DLGAP1: variants seen among roughly 807,000 people sequenced by gnomAD.
DLGAP1 encodes disks large-associated protein 1.
DLGAP1 carries 11 observed loss-of-function variants against 90.8 expected under a neutral mutation model. The observed-to-expected ratio is 0.12, with a 90% confidence interval of 0.08 to 0.20. DLGAP1 has a LOEUF of 0.20. DLGAP1 is among the 10% of genes least tolerant of loss of function. The probability of loss-of-function intolerance (pLI) is 1.00; values close to 1 mark genes in which losing one functional copy is unlikely to be tolerated. For missense variants in DLGAP1, 1,050 were observed against 1,333.8 expected (o/e 0.79, Z 3.31); for synonymous variants, 558 against 540.7 (o/e 1.03, Z -0.44).
intron 1 of DLGAP1, among the ~76,000 whole-genome samples, chr18:4,354,420 G>A (rs534846829): frequency 1.3e-5 from 2 of 152,148 alleles, no homozygotes; most frequent in South Asian, 2.1e-4. Context: ...ATCTGGACAC[G>A]CCCTAGTTTT....
intron 10 of DLGAP1, among the ~76,000 whole-genome samples, chr18:3,515,249 T>TTG (rs1218613453): frequency 6.6e-6 from 1 of 151,182 alleles, no homozygotes; most frequent in East Asian, 2.0e-4. Context: ...GGTGGGTGGA[T>TTG]CACGAGGTCA....
At chr18:4,141,834 T>C (rs911173849) in intron 2 of DLGAP1, among the ~76,000 whole-genome samples, 1 of 152,078 alleles carries the variant, frequency 6.6e-6, no homozygotes, top group African/African-American at 2.4e-5. Context: ...GATTTCAGTC[T>C]CTTTGTTAAA....
intron 4 of DLGAP1, among the ~76,000 whole-genome samples, chr18:3,876,172 G>A (rs1404716173): frequency 6.6e-6 from 1 of 151,818 alleles, no homozygotes; most frequent in Admixed American, 6.6e-5. Context: ...GAGCTTGCAC[G>A]GGGTGGCAGA....
At chr18:3,888,025 G>A (rs1322335719) in intron 3 of DLGAP1, among the ~76,000 whole-genome samples, 3 of 148,372 alleles carry the variant, frequency 2.0e-5, no homozygotes, top group East Asian at 2.1e-4. Flanking sequence ...GGAGAATGGC[G>A]TGAACCCGGG....
chr18:3,573,878 T>G (rs1369348882), intron 8 of DLGAP1, among the ~76,000 whole-genome samples: 4 of 152,110 alleles, frequency 2.6e-5, no homozygotes. Context: ...TTTTTTCTAC[T>G]TTTTGTAGAG....
At chr18:3,615,237 A>T (rs560054613) in intron 7 of DLGAP1, among the ~76,000 whole-genome samples, 2 of 152,282 alleles carry the variant, frequency 1.3e-5, no homozygotes, top group South Asian at 4.1e-4. Flanking sequence ...AATAATTTTT[A>T]AAAAGATGCA....
chr18:4,055,147 A>G (rs905464419), intron 2 of DLGAP1, among the ~76,000 whole-genome samples: 8 of 152,200 alleles, frequency 5.3e-5, no homozygotes, highest in African/African-American at 1.9e-4. Context: ...AGGTTGGCAC[A>G]GGGATCTGGT....
intron 1 of DLGAP1, among the ~76,000 whole-genome samples, chr18:4,429,562 A>G (rs1212985974): frequency 2.0e-5 from 3 of 152,234 alleles, no homozygotes; most frequent in African/African-American, 7.2e-5. Flanking sequence ...GTAAAAATTA[A>G]GAAGCCTGGT....
At chr18:3,601,041 A>T (rs1229195228) in intron 7 of DLGAP1, among the ~76,000 whole-genome samples, 14 of 145,084 alleles carry the variant, frequency 9.6e-5, no homozygotes, top group African/African-American at 3.3e-4. Context: ...TATAGAGATA[A>T]AGATATAGAT....
chr18:4,321,602 A>T (rs2080688195), intron 1 of DLGAP1, among the ~76,000 whole-genome samples: 2 of 152,240 alleles, frequency 1.3e-5, no homozygotes, highest in Non-Finnish European at 2.9e-5. Context: ...CCATGCAGAT[A>T]CTGAAAACAG....
chr18:3,561,972 T>C (rs1442638330), intron 9 of DLGAP1, among the ~76,000 whole-genome samples: 2 of 150,754 alleles, frequency 1.3e-5, no homozygotes, highest in Non-Finnish European at 2.9e-5. Context: ...CTCACGTCTG[T>C]AATCCCAGCA....
At chr18:3,680,645 T>C (rs1007465598) in intron 7 of DLGAP1, among the ~76,000 whole-genome samples, 11 of 151,842 alleles carry the variant, frequency 7.2e-5, no homozygotes, top group Non-Finnish European at 1.3e-4. Flanking sequence ...AAAAATTAGC[T>C]GGGCGTGATG....
intron 7 of DLGAP1, chr18:3,608,286 C>T (rs1254154303): frequency 1.3e-4 from 3 of 23,446 alleles, no homozygotes; most frequent in African/African-American, 3.6e-4. Context: ...GGCGCCACTG[C>T]ACTCCCGTCT....
At chr18:4,257,207 T>C (rs994080475) in intron 1 of DLGAP1, among the ~76,000 whole-genome samples, 2 of 152,178 alleles carry the variant, frequency 1.3e-5, no homozygotes, top group African/African-American at 4.8e-5. Flanking sequence ...TATTGTGATC[T>C]ATAATAAGGA....
At chr18:3,596,248 C>T (rs1000354460) in intron 7 of DLGAP1, among the ~76,000 whole-genome samples, 2 of 152,098 alleles carry the variant, frequency 1.3e-5, no homozygotes, top group African/African-American at 4.8e-5. Context: ...CAACCTCCGC[C>T]TCCCAGGTTC....
intron 5 of DLGAP1, among the ~76,000 whole-genome samples, chr18:3,754,426 T>A (rs2063629489): frequency 6.6e-6 from 1 of 152,274 alleles, no homozygotes; most frequent in East Asian, 1.9e-4. Context: ...ATTGAAATTT[T>A]TTTTTTGGAA....
In DLGAP1 at chr18:3,499,093, G is replaced by T; in HGVS notation, c.*92C>A. The T allele has an allele frequency of 8.4e-7, 1 of 1,193,602 alleles. No individual in the cohort carries two copies. Among genetic ancestry groups the T allele is most frequent in the Non-Finnish European group, 1.1e-6 (1 of 889,230 alleles). 73.9% of individuals were successfully genotyped at this position (1,193,602 alleles called of 1,614,324 possible). A position where few individuals can be genotyped will look rare whatever the true frequency, so the allele number is the denominator to read the frequency against. ...GTGGAAGTCACCGAGCTCGGGAGCG[G>T]ACGGGCTCGGAGGGGGAGAGGCAGC... is the stretch of plus-strand genomic sequence containing the variant. On this transcript the variant is annotated 3_prime_UTR_variant, in exon 13 of 13. Transcript: ENST00000315677. This position sits in a 1 kb window ranked among gnomAD's most constrained non-coding sequence, Gnocchi z 6.4.
chr18:4,278,295 A>C (rs2079463866), intron 1 of DLGAP1, among the ~76,000 whole-genome samples: 1 of 151,964 alleles, frequency 6.6e-6, no homozygotes, highest in South Asian at 2.1e-4. Context: ...ATTTTATTTT[A>C]CTTATTTGTA....
chr18:3,954,777 A>G (rs960123579), intron 3 of DLGAP1, among the ~76,000 whole-genome samples: 1 of 152,226 alleles, frequency 6.6e-6, no homozygotes, highest in Non-Finnish European at 1.5e-5. Context: ...ACAACCAAAA[A>G]CACCAGACAA....
Sources: gnomAD v4.1 joint callset for allele counts (sites outside exome capture counted in the v4.1 genomes callset) on GRCh38, gnomAD v4.1.1 for gene constraint, Gnocchi (gnomAD v3.1) non-coding constraint, MANE v1.5 for transcripts, NCBI Gene and HGNC (gene_info 2026-07-23, HGNC 2026-07-21) for gene names.